CEP63: variants seen among roughly 807,000 people sequenced by gnomAD.
CEP63 encodes centrosomal protein 63, also known as centrosomal protein of 63 kDa.
CEP63 carries 84 observed loss-of-function variants against 89.1 expected under a neutral mutation model. The ratio of observed to expected loss-of-function variants is 0.94; its 90% confidence interval spans 0.79 to 1.13. The LOEUF (loss-of-function observed/expected upper bound fraction) is 1.13, where lower values mean the gene tolerates loss of function less well. Ranked by LOEUF, CEP63 falls within the 50% of genes most tolerant of loss-of-function variation. The pLI is 0.00. For synonymous variants in CEP63, 267 were observed against 272.5 expected, an observed-to-expected ratio of 0.98 and a Z score of 0.20; for missense variants, 838 against 813.3, an observed-to-expected ratio of 1.03 and a Z score of -0.37.
At chr3:134,610,486 T>C in the CEP63 span, 3 of 941,898 alleles carry the variant, frequency 3.2e-6, no homozygotes, top group Admixed American at 4.8e-5. Flanking sequence ...CCATCAGTCC[T>C]CCCTGTCTAT....
At chr3:134,626,207 C>A in the CEP63 span, among the ~76,000 whole-genome samples, 1 of 152,222 alleles carries the variant, frequency 6.6e-6, no homozygotes, top group Non-Finnish European at 1.5e-5. Flanking sequence ...TGGACCCACC[C>A]ACCTTCAGCC....
At chr3:134,538,555 G>GTATA (rs1322990322) in intron 6 of CEP63, among the ~76,000 whole-genome samples, 1 of 42,502 alleles carries the variant, frequency 2.4e-5, no homozygotes, top group Non-Finnish European at 5.8e-5. Flanking sequence ...ATATATATAT[G>GTATA]TATATATATA....
intron 3 of CEP63, among the ~76,000 whole-genome samples, chr3:134,521,549 A>T (rs1269511464): frequency 6.6e-6 from 1 of 152,174 alleles, no homozygotes; most frequent in African/African-American, 2.4e-5. Context: ...TTTTACATTT[A>T]TGCAAAGTAC....
At chr3:134,696,210 G>A in the CEP63 span, among the ~76,000 whole-genome samples, 1 of 152,242 alleles carries the variant, frequency 6.6e-6, no homozygotes, top group African/African-American at 2.4e-5. Context: ...ACATGTCGCT[G>A]TGGGCAGTGT....
the CEP63 span, among the ~76,000 whole-genome samples, chr3:134,681,370 C>T: frequency 6.6e-6 from 1 of 152,100 alleles, no homozygotes; most frequent in African/African-American, 2.4e-5. Context: ...TGCTGAAGGT[C>T]AATTAAGGCA....
chr3:134,574,995 A>C (rs558921451), exon 12 of CEP63: 63 of 405,018 alleles, frequency 1.6e-4, no homozygotes, highest in Middle Eastern at 1.5e-3. Flanking sequence ...TTTCAAATAA[A>C]TATTGTAAAG....
the CEP63 span, among the ~76,000 whole-genome samples, chr3:134,771,049 C>T: frequency 5.3e-5 from 8 of 152,144 alleles, no homozygotes; most frequent in Non-Finnish European, 1.2e-4. Flanking sequence ...TACATTTGAA[C>T]GAAGTCAAGG....
the CEP63 span, among the ~76,000 whole-genome samples, chr3:134,737,451 T>C: frequency 6.6e-6 from 1 of 151,758 alleles, no homozygotes; most frequent in Non-Finnish European, 1.5e-5. Context: ...AAGCAAAACA[T>C]AATCCAAGAA....
At chr3:134,692,827 G>A in the CEP63 span, among the ~76,000 whole-genome samples, 1 of 152,162 alleles carries the variant, frequency 6.6e-6, no homozygotes, top group East Asian at 1.9e-4. Context: ...GCACACTATG[G>A]CTGTTGGTCA....
the CEP63 span, among the ~76,000 whole-genome samples, chr3:134,661,966 C>T: frequency 7.9e-5 from 12 of 152,254 alleles, no homozygotes; most frequent in East Asian, 1.9e-4. Context: ...TTGATCCTTC[C>T]GCCATGTGAG....
the CEP63 span, among the ~76,000 whole-genome samples, chr3:134,740,653 T>C: frequency 1.3e-5 from 2 of 152,088 alleles, no homozygotes; most frequent in Admixed American, 6.6e-5. Context: ...CTCCGTGTGG[T>C]CAGCCTGCTA....
the CEP63 span, among the ~76,000 whole-genome samples, chr3:134,662,604 C>T: frequency 1.3e-5 from 2 of 152,206 alleles, no homozygotes; most frequent in African/African-American, 4.8e-5. Context: ...AGGAACTGGG[C>T]TCCGAGAAGG....
intron 3 of CEP63, among the ~76,000 whole-genome samples, chr3:134,524,566 G>A (rs1206061433): frequency 6.6e-6 from 1 of 152,110 alleles, no homozygotes; most frequent in Non-Finnish European, 1.5e-5. Context: ...TCAGTACCTA[G>A]TTTATTGAGA....
chr3:134,685,642 G>T, the CEP63 span, among the ~76,000 whole-genome samples: 1 of 152,196 alleles, frequency 6.6e-6, no homozygotes, highest in Non-Finnish European at 1.5e-5. Flanking sequence ...TTCTTAGCTG[G>T]TGCTTTTCAC....
chr3:134,532,724 C>T, intron 4 of CEP63, 54 bp from the exon 5 acceptor site: 2 of 1,463,060 alleles, frequency 1.4e-6, no homozygotes, highest in Admixed American at 1.7e-5. Context: ...TTTGTCTCAC[C>T]ACTACTTCTT....
chr3:134,559,321 C>T lies in CEP63; in HGVS notation c.1845C>T (p.Tyr615=), dbSNP rs755803349. The T allele has an allele frequency of 6.2e-7, 1 of 1,614,134 alleles. No homozygotes were observed. Among genetic ancestry groups the T allele is most frequent in the Non-Finnish European group, 8.5e-7 (1 of 1,180,020 alleles). Residue 615 remains tyrosine (Y), a synonymous_variant, in exon 14 of 15, where the codon TAC becomes TAT. Transcript: ENST00000675561. Reference sequence around the variant, plus strand: ...GCTCCACCAGGTCTTTGACTTCCTACTCTCTATGTAAAACTCATTCTTTGC... The same window carrying T: ...GCTCCACCAGGTCTTTGACTTCCTATTCTCTATGTAAAACTCATTCTTTGC... ...PCSSTRSLTS[Y]SLCKTHSLPS...
chr3:134,738,761 A>G, the CEP63 span, among the ~76,000 whole-genome samples: 1 of 152,162 alleles, frequency 6.6e-6, no homozygotes, highest in South Asian at 2.1e-4. Context: ...CCCAATAACT[A>G]ATGGAAAAAA....
At chr3:134,688,052 C>T in the CEP63 span, among the ~76,000 whole-genome samples, 1 of 152,122 alleles carries the variant, frequency 6.6e-6, no homozygotes, top group African/African-American at 2.4e-5. Flanking sequence ...TATAGAAATC[C>T]CACTTCTGTG....
intron 2 of CEP63, among the ~76,000 whole-genome samples, chr3:134,503,783 A>G (rs976401232): frequency 1.1e-4 from 17 of 151,906 alleles, no homozygotes; most frequent in Admixed American, 9.8e-4. Flanking sequence ...TTTTATGTTT[A>G]TATGACTTAA....
Sources: gnomAD v4.1 joint callset for allele counts (sites outside exome capture counted in the v4.1 genomes callset) on GRCh38, gnomAD v4.1.1 for gene constraint, MANE v1.5 for transcripts, NCBI Gene and HGNC (gene_info 2026-07-23, HGNC 2026-07-21) for gene names.